Variants in GRID2 observed in about 807,000 individuals in gnomAD.
GRID2 encodes the protein glutamate receptor ionotropic, delta-2.
Under a neutral mutation model 114.8 loss-of-function variants are expected in GRID2, and 33 were observed. That is an observed-to-expected ratio of 0.29 (90% CI 0.22 to 0.38). The LOEUF is 0.38. Among genes scored for constraint, GRID2 ranks in the 10% least tolerant of loss-of-function variants. The pLI is 1.00. For synonymous variants in GRID2, 505 were observed against 449.9 expected (o/e 1.12, Z -1.55); for missense variants, 1,184 against 1,257.7 (o/e 0.94, Z 0.89).
intron 2 of GRID2, among the ~76,000 whole-genome samples, chr4:92,967,301 C>T (rs1038625567): frequency 5.9e-5 from 9 of 151,798 alleles, no homozygotes; most frequent in African/African-American, 1.9e-4. Flanking sequence ...TTATGAAACA[C>T]CAAATTGAAT....
At chr4:92,821,545 T>C (rs1353392267) in intron 2 of GRID2, among the ~76,000 whole-genome samples, 1 of 152,134 alleles carries the variant, frequency 6.6e-6, no homozygotes, top group Non-Finnish European at 1.5e-5. Context: ...GTTAATACCC[T>C]GGAGTTACAT....
intron 8 of GRID2, among the ~76,000 whole-genome samples, chr4:93,389,866 G>T (rs1250337713): frequency 2.6e-5 from 4 of 151,644 alleles, no homozygotes; most frequent in African/African-American, 4.8e-5. Flanking sequence ...TCGGCTCACG[G>T]CAACCTCCAT....
intron 1 of GRID2, among the ~76,000 whole-genome samples, chr4:92,393,356 A>T (rs185703595): frequency 6.6e-6 from 1 of 152,318 alleles, no homozygotes; most frequent in Non-Finnish European, 1.5e-5. Context: ...CTATAGAATG[A>T]TGCAGTGTAA....
At chr4:92,487,155 A>T (rs1341739785) in intron 1 of GRID2, among the ~76,000 whole-genome samples, 2 of 151,498 alleles carry the variant, frequency 1.3e-5, no homozygotes, top group African/African-American at 4.8e-5. Context: ...TGCGTTTCTG[A>T]TTTATATTTC....
At chr4:93,608,431 A>C (rs1740553121) in intron 13 of GRID2, among the ~76,000 whole-genome samples, 1 of 144,146 alleles carries the variant, frequency 6.9e-6, no homozygotes, top group African/African-American at 2.6e-5. Context: ...ATCTAGCATT[A>C]GGTATATCTC....
chr4:92,663,211 A>C (rs1441833919), intron 2 of GRID2, among the ~76,000 whole-genome samples: 1 of 151,086 alleles, frequency 6.6e-6, no homozygotes, highest in Non-Finnish European at 1.5e-5. Flanking sequence ...GACAAGAGTA[A>C]TTTCAAGTAG....
At chr4:92,590,088 ATATT>A (rs760443781) in intron 1 of GRID2, 39 bp from the exon 2 acceptor site, 1 of 1,363,140 alleles carries the variant, frequency 7.3e-7, no homozygotes, top group South Asian at 1.2e-5. Flanking sequence ...GGATGACAGA[ATATT>A]TATGTTATTA....
At chr4:92,794,443 A>G (rs898118462) in intron 2 of GRID2, among the ~76,000 whole-genome samples, 17 of 151,966 alleles carry the variant, frequency 1.1e-4, no homozygotes, top group African/African-American at 4.1e-4. Flanking sequence ...ATTGTATGGC[A>G]AAATACCAAA....
intron 8 of GRID2, among the ~76,000 whole-genome samples, chr4:93,255,960 A>T (rs2149539270): frequency 6.6e-6 from 1 of 152,252 alleles, no homozygotes; most frequent in South Asian, 2.1e-4. Context: ...AAGTCCAAGA[A>T]AAAATCTATT....
chr4:93,498,959 C>G (rs112728087), intron 12 of GRID2, among the ~76,000 whole-genome samples: 7,284 of 151,806 alleles, frequency 0.048, 208 homozygotes, highest in Middle Eastern at 0.082. Flanking sequence ...TCTTCTATTC[C>G]TAGTTTTCCA....
intron 6 of GRID2, among the ~76,000 whole-genome samples, chr4:93,223,776 A>T (rs577704098): frequency 2.0e-5 from 3 of 152,226 alleles, no homozygotes; most frequent in African/African-American, 7.2e-5. Flanking sequence ...TTTCCAAAAA[A>T]TTTTTAACTT....
chr4:92,771,956 G>C (rs535810892), intron 2 of GRID2, among the ~76,000 whole-genome samples: 1 of 152,296 alleles, frequency 6.6e-6, no homozygotes, highest in African/African-American at 2.4e-5. Flanking sequence ...GCTAGATTCA[G>C]AACTGTATTA....
At chr4:93,590,283 T>G (rs955776041) in intron 13 of GRID2, among the ~76,000 whole-genome samples, 1 of 150,418 alleles carries the variant, frequency 6.6e-6, no homozygotes, top group African/African-American at 2.4e-5. Context: ...GGCTAGCCAG[T>G]TTTCCCAGCA....
At chr4:93,677,943 C>A (rs1426758703) in intron 14 of GRID2, among the ~76,000 whole-genome samples, 1 of 101,170 alleles carries the variant, frequency 9.9e-6, no homozygotes, top group Non-Finnish European at 1.9e-5. Flanking sequence ...ATGACTTTGA[C>A]GAGTTGAGAG....
chr4:93,411,341 A>G (rs887879985), intron 9 of GRID2, among the ~76,000 whole-genome samples: 2 of 151,956 alleles, frequency 1.3e-5, no homozygotes, highest in Non-Finnish European at 2.9e-5. Context: ...AATTTCAAAC[A>G]TGTACACACA....
chr4:93,115,185 G>A (rs561110354), intron 4 of GRID2, among the ~76,000 whole-genome samples: 1 of 151,592 alleles, frequency 6.6e-6, no homozygotes, highest in African/African-American at 2.4e-5. Flanking sequence ...TACAAAACAA[G>A]AGTCTATTTA....
chr4:92,698,671 G>A (rs1454955475), intron 2 of GRID2, among the ~76,000 whole-genome samples: 2 of 151,296 alleles, frequency 1.3e-5, no homozygotes, highest in Admixed American at 1.3e-4. Context: ...GAAATACAAA[G>A]AAGCTTCTTT....
chr4:93,379,006 A>C (rs1163659809), intron 8 of GRID2, among the ~76,000 whole-genome samples: 1 of 152,098 alleles, frequency 6.6e-6, no homozygotes, highest in Non-Finnish European at 1.5e-5. Context: ...GATCTAAATT[A>C]CCATTGGCAA....
At chr4:92,932,830 G>C (rs1444971109) in intron 2 of GRID2, among the ~76,000 whole-genome samples, 1 of 151,184 alleles carries the variant, frequency 6.6e-6, no homozygotes, top group Non-Finnish European at 1.5e-5. Context: ...TCATATATAT[G>C]GTATATTCTG....
Sources: gnomAD v4.1 joint callset for allele counts (sites outside exome capture counted in the v4.1 genomes callset) on GRCh38, gnomAD v4.1.1 for gene constraint, MANE v1.5 for transcripts, NCBI Gene and HGNC (gene_info 2026-07-23, HGNC 2026-07-21) for gene names.